CCBE1: variants seen among roughly 807,000 people sequenced by gnomAD.
The protein encoded by CCBE1 is collagen and calcium binding EGF domains 1, also known as collagen and calcium-binding EGF domain-containing protein 1.
In CCBE1, 37 loss-of-function variants were observed where a neutral mutation model predicts 50.0. That is an observed-to-expected ratio of 0.74 (90% CI 0.57 to 0.97). The LOEUF (loss-of-function observed/expected upper bound fraction) is 0.97, where lower values mean the gene tolerates loss of function less well. Ranked by LOEUF, CCBE1 falls within the 50% of genes least tolerant of loss-of-function variation. The pLI is 0.00. For synonymous variants in CCBE1, 234 were observed against 203.7 expected (o/e 1.15, Z -1.27); for missense variants, 538 against 523.8 (o/e 1.03, Z -0.26).
At chr18:59,616,295 A>G (rs2053635532) in intron 2 of CCBE1, among the ~76,000 whole-genome samples, 1 of 152,214 alleles carries the variant, frequency 6.6e-6, no homozygotes, top group Non-Finnish European at 1.5e-5. Flanking sequence ...AAAGAAAACA[A>G]AGAGGAGCCA....
At chr18:59,642,672 G>T (rs961978027) in intron 2 of CCBE1, among the ~76,000 whole-genome samples, 1 of 152,174 alleles carries the variant, frequency 6.6e-6, no homozygotes. Context: ...ACAATGGGCC[G>T]GGCGCGGTGG....
At chr18:59,681,816 A>G (rs1256877460) in intron 2 of CCBE1, among the ~76,000 whole-genome samples, 1 of 152,252 alleles carries the variant, frequency 6.6e-6, no homozygotes, top group Non-Finnish European at 1.5e-5. Context: ...TGTAAGGCTG[A>G]TTAGAGATAA....
intron 2 of CCBE1, among the ~76,000 whole-genome samples, chr18:59,496,672 G>T (rs912488637): frequency 1.4e-4 from 21 of 152,286 alleles, no homozygotes; most frequent in Middle Eastern, 3.4e-3. Flanking sequence ...TGTTTGTGAT[G>T]AAGAACTCGG....
At chr18:59,441,612 C>T (rs1404963733) in intron 7 of CCBE1, among the ~76,000 whole-genome samples, 7 of 151,814 alleles carry the variant, frequency 4.6e-5, no homozygotes, top group South Asian at 2.1e-4. Context: ...AGCATGTGAA[C>T]GGTGCTGTTG....
chr18:59,495,406 T>C (rs954508485), intron 2 of CCBE1, among the ~76,000 whole-genome samples: 20 of 91,512 alleles, frequency 2.2e-4, no homozygotes, highest in Non-Finnish European at 3.8e-4. Flanking sequence ...TTTTTTTTTT[T>C]TTTTCCAGAG....
Position 59,543,818 on chromosome 18 carries a change from G to C in CCBE1, c.213-63580C>G, listed in dbSNP as rs137941461. Among the ~76,000 whole-genome samples, 747 of 116,210 alleles carry C rather than the reference G, an allele frequency of 6.4e-3. 6 individuals are homozygous for C. Among genetic ancestry groups the C allele is most frequent in the African/African-American group, 0.026 (705 of 27,490 alleles). The allele number at this position is 116,210 out of a possible 152,430, so 76.2% of individuals were successfully genotyped here. ...CCACTGCACTCCAGGCTGGGAGATA[G>C]AGCGAGACTCCGTCTCAAAAAAAAA... On this transcript the variant is annotated intron_variant, in intron 2 of 10. Coordinates refer to ENST00000439986, the MANE Select transcript of CCBE1 (RefSeq NM_133459.4).
intron 2 of CCBE1, among the ~76,000 whole-genome samples, chr18:59,668,944 C>G (rs1455931198): frequency 1.3e-5 from 2 of 151,104 alleles, no homozygotes; most frequent in Non-Finnish European, 2.9e-5. Context: ...CCCACCTCAG[C>G]CTCCAGAGTA....
chr18:59,586,900 G>A (rs569718566), intron 2 of CCBE1, among the ~76,000 whole-genome samples: 5 of 152,148 alleles, frequency 3.3e-5, no homozygotes, highest in East Asian at 1.9e-4. Context: ...CCTTAAAAAC[G>A]TTCTTTATTC....
chr18:59,466,796 T>C lies in CCBE1; in HGVS notation c.496A>G (p.Ile166Val). 2 of 1,613,862 alleles carry C rather than the reference T, an allele frequency of 1.2e-6. No individual in the cohort carries two copies. Among genetic ancestry groups the C allele is most frequent in the Non-Finnish European group, 1.7e-6 (2 of 1,179,942 alleles). ...CATGTCTTCCCATCATCTTCCCGGA[T>C]GTAGCCTTCCCGGCACTCGCAGCGG... ...SYRCECREGYIREDDGKTCTR... is the reference protein window; with the variant it reads ...SYRCECREGYVREDDGKTCTR... The change falls in exon 5 of 11, where the codon ATC becomes GTC. Residue 166 changes from isoleucine to valine, a missense_variant. Physicochemically the swap from Ile to Val is conservative, Grantham distance 29 (BLOSUM62 3). Transcript: ENST00000439986.
intron 2 of CCBE1, among the ~76,000 whole-genome samples, chr18:59,506,829 C>T (rs1290199827): frequency 6.6e-6 from 1 of 152,186 alleles, no homozygotes; most frequent in Non-Finnish European, 1.5e-5. Context: ...ACCTCTGGGA[C>T]AATAAAACTG....
chr18:59,657,789 C>T (rs1240717348), intron 2 of CCBE1, among the ~76,000 whole-genome samples: 2 of 152,190 alleles, frequency 1.3e-5, no homozygotes, highest in Admixed American at 6.5e-5. Flanking sequence ...ACTCAAGAGG[C>T]TGAGGCAGGA....
intron 2 of CCBE1, among the ~76,000 whole-genome samples, chr18:59,564,387 A>C (rs2052786602): frequency 6.6e-6 from 1 of 152,254 alleles, no homozygotes; most frequent in South Asian, 2.1e-4. Flanking sequence ...ACACACATAT[A>C]AACACTGTGT....
chr18:59,591,577 A>C (rs1385379156), intron 2 of CCBE1, among the ~76,000 whole-genome samples: 1 of 152,196 alleles, frequency 6.6e-6, no homozygotes, highest in Non-Finnish European at 1.5e-5. Context: ...CATAAGATAA[A>C]AATGATCTTA....
chr18:59,500,118 G>C (rs1913547487), intron 2 of CCBE1, among the ~76,000 whole-genome samples: 1 of 152,160 alleles, frequency 6.6e-6, no homozygotes, highest in Admixed American at 6.5e-5. Flanking sequence ...CTATCCTGAG[G>C]ACCTCTTAGG....
At chr18:59,438,508 A>C (rs1233694829) in intron 9 of CCBE1, among the ~76,000 whole-genome samples, 1 of 152,262 alleles carries the variant, frequency 6.6e-6, no homozygotes, top group Non-Finnish European at 1.5e-5. Context: ...CTGCTTGCAA[A>C]AAGAATGGAG....
intron 5 of CCBE1, among the ~76,000 whole-genome samples, chr18:59,460,588 C>T (rs1911413111): frequency 6.6e-6 from 1 of 152,152 alleles, no homozygotes; most frequent in Non-Finnish European, 1.5e-5. Context: ...GGAAAGTCCT[C>T]TGCTTAGAAG....
chr18:59,543,697 T>C (rs1195250895), intron 2 of CCBE1, among the ~76,000 whole-genome samples: 1 of 151,762 alleles, frequency 6.6e-6, no homozygotes, highest in Non-Finnish European at 1.5e-5. Flanking sequence ...TAGCCGGGTG[T>C]GGTGGCGGGC....
chr18:59,498,155 A>G (rs991030361), intron 2 of CCBE1, among the ~76,000 whole-genome samples: 1 of 151,792 alleles, frequency 6.6e-6, no homozygotes, highest in Admixed American at 6.6e-5. Flanking sequence ...TTCCTTCACT[A>G]TGGAGATTCA....
At chr18:59,596,764 A>G (rs146376929) in intron 2 of CCBE1, among the ~76,000 whole-genome samples, 50 of 152,320 alleles carry the variant, frequency 3.3e-4, no homozygotes, top group African/African-American at 1.1e-3. Context: ...CCGACCATCA[A>G]TGAAGTGTTG....
Sources: allele counts gnomAD v4.1 joint callset (sites outside exome capture counted in the v4.1 genomes callset), GRCh38; gene constraint gnomAD v4.1.1; transcripts MANE v1.5; gene names NCBI Gene and HGNC (gene_info 2026-07-23, HGNC 2026-07-21).